PARD3B: variants seen among roughly 807,000 people sequenced by gnomAD.
PARD3B encodes the protein par-3 family cell polarity regulator beta, also known as partitioning defective 3 homolog B.
Under a neutral mutation model 130.2 loss-of-function variants are expected in PARD3B, and 103 were observed. The observed-to-expected ratio is 0.79, with a 90% confidence interval of 0.67 to 0.93. The LOEUF (loss-of-function observed/expected upper bound fraction) is 0.93. PARD3B is among the 40% of genes least tolerant of loss of function. The pLI is 0.00. For missense variants in PARD3B, 1,609 were observed against 1,499.2 expected, an observed-to-expected ratio of 1.07 and a Z score of -1.21; for synonymous variants, 583 against 553.2, an observed-to-expected ratio of 1.05 and a Z score of -0.76.
chr2:205,398,050 A>C (rs1240913227), intron 18 of PARD3B, among the ~76,000 whole-genome samples: 1 of 152,126 alleles, frequency 6.6e-6, no homozygotes, highest in African/African-American at 2.4e-5. Context: ...TGTAATCCCA[A>C]CACTTTGGGA....
chr2:205,312,319 G>T (rs889467731), intron 18 of PARD3B, among the ~76,000 whole-genome samples: 1 of 152,168 alleles, frequency 6.6e-6, no homozygotes, highest in Non-Finnish European at 1.5e-5. Context: ...AAGGTGCTTT[G>T]CTTCATGAAG....
intron 4 of PARD3B, among the ~76,000 whole-genome samples, chr2:205,081,555 A>G (rs1701406453): frequency 1.3e-5 from 2 of 151,792 alleles, no homozygotes; most frequent in South Asian, 2.1e-4. Context: ...TAGATTCCCT[A>G]TGTTAGGTTG....
rs370649212 is a variant in PARD3B at position 205,153,627 on chromosome 2, G to A, written c.1435-5095G>A. On this transcript the variant is annotated intron_variant, in intron 10 of 22. Transcript: ENST00000406610. ...AAAAGAACAAAGCTAGAGGCATCAC[G>A]CTACCTGACTTCAAACTTTACTACA... 8.9e-4 allele frequency among the ~76,000 whole-genome samples: 136 copies of A among 152,200 alleles called. 3 individuals carry two copies. The South Asian group carries it at 0.027, about 30-fold the overall frequency.
chr2:205,126,826 A>G lies in PARD3B; in HGVS notation c.1434+1089A>G, dbSNP rs546599013. Among the ~76,000 whole-genome samples, 380 of 151,650 alleles carry G rather than the reference A, an allele frequency of 2.5e-3. 8 individuals carry two copies. Among genetic ancestry groups the G allele is most frequent in the Non-Finnish European group, 3.1e-3 (209 of 67,938 alleles). ...GAGAAAATGTTCATAATCTAATACT[A>G]TATTTAAAAGTAGGATGTAAAATTA... is the stretch of plus-strand genomic sequence containing the variant. On this transcript the variant is annotated intron_variant, in intron 10 of 22. Transcript: ENST00000406610.
chr2:204,726,294 A>G (rs528826886), intron 2 of PARD3B, among the ~76,000 whole-genome samples: 3 of 152,328 alleles, frequency 2.0e-5, no homozygotes, highest in South Asian at 2.1e-4. Flanking sequence ...CTAATTGAGT[A>G]TTCATTTAAA....
intron 2 of PARD3B, among the ~76,000 whole-genome samples, chr2:204,732,173 A>C (rs1016034748): frequency 6.6e-5 from 10 of 152,090 alleles, no homozygotes; most frequent in African/African-American, 2.2e-4. Flanking sequence ...ATTAGATATA[A>C]AGCATTCCAG....
intron 2 of PARD3B, among the ~76,000 whole-genome samples, chr2:204,953,568 G>A (rs1017213984): frequency 6.6e-6 from 1 of 152,060 alleles, no homozygotes; most frequent in Admixed American, 6.6e-5. Context: ...TTGCTGGAGG[G>A]ATCTGGGGGA....
chr2:205,097,777 A>G (rs1443589714), intron 4 of PARD3B, among the ~76,000 whole-genome samples: 1 of 152,078 alleles, frequency 6.6e-6, no homozygotes, highest in Non-Finnish European at 1.5e-5. Context: ...TAGCACTTTT[A>G]TATCTCTAAT....
In PARD3B at chr2:205,585,198, G is replaced by A. The variant is rs887368750; in HGVS notation, c.3261-30258G>A. ...GCCTGCCTAGGTGTTTATGGCAAGA[G>A]GCATATTTGGAATGCACAGGCTGGG... is the stretch of plus-strand genomic sequence containing the variant. On this transcript the variant is annotated intron_variant, in intron 22 of 22. Coordinates refer to ENST00000406610, the MANE Select transcript of PARD3B (RefSeq NM_001302769.2). This position sits in a 1 kb window ranked among gnomAD's most constrained non-coding sequence, Gnocchi z 5.4. Among the ~76,000 whole-genome samples, 2 of 152,184 alleles carry A rather than the reference G, an allele frequency of 1.3e-5. No homozygotes were observed. The highest frequency in any genetic ancestry group is 4.8e-5 in the African/African-American group (2 of 41,436).
At chr2:204,978,568 C>T (rs1692389703) in intron 3 of PARD3B, among the ~76,000 whole-genome samples, 3 of 152,122 alleles carry the variant, frequency 2.0e-5, no homozygotes, top group Admixed American at 2.0e-4. Flanking sequence ...ACTATAATTC[C>T]ACCAACTTTA....
intron 18 of PARD3B, among the ~76,000 whole-genome samples, chr2:205,314,937 A>C (rs1018753451): frequency 2.6e-5 from 4 of 152,092 alleles, no homozygotes; most frequent in African/African-American, 4.8e-5. Context: ...GTCAGTCAAC[A>C]ATCTTGATAT....
intron 2 of PARD3B, among the ~76,000 whole-genome samples, chr2:204,872,577 A>T (rs1392059760): frequency 6.6e-6 from 1 of 152,086 alleles, no homozygotes; most frequent in African/African-American, 2.4e-5. Context: ...GTCCTAAGAG[A>T]TGTGCCCAGA....
intron 1 of PARD3B, among the ~76,000 whole-genome samples, chr2:204,674,040 T>C (rs2036424623): frequency 6.6e-6 from 1 of 152,166 alleles, no homozygotes; most frequent in Non-Finnish European, 1.5e-5. Context: ...CCCCCTACTT[T>C]CTTACTCCTT....
intron 18 of PARD3B, among the ~76,000 whole-genome samples, chr2:205,389,364 A>T (rs1235321537): frequency 6.6e-6 from 1 of 152,028 alleles, no homozygotes; most frequent in South Asian, 2.1e-4. Context: ...TTATTATTTT[A>T]TTATTATTAC....
At chr2:205,437,472 T>C (rs139151996) in intron 19 of PARD3B, among the ~76,000 whole-genome samples, 1 of 152,290 alleles carries the variant, frequency 6.6e-6, no homozygotes, top group Non-Finnish European at 1.5e-5. Flanking sequence ...TCTGCAATGA[T>C]GGAATTAGTC....
intron 21 of PARD3B, among the ~76,000 whole-genome samples, chr2:205,533,299 C>T (rs1316525455): frequency 6.6e-6 from 1 of 151,738 alleles, no homozygotes; most frequent in Non-Finnish European, 1.5e-5. Context: ...GGAGGAACAC[C>T]CCAGTGCCCA....
At chr2:204,760,965 A>G (rs1387621717) in intron 2 of PARD3B, among the ~76,000 whole-genome samples, 1 of 152,064 alleles carries the variant, frequency 6.6e-6, no homozygotes, top group South Asian at 2.1e-4. Flanking sequence ...TTTGTTGACT[A>G]TTTTCTATAT....
intron 12 of PARD3B, among the ~76,000 whole-genome samples, chr2:205,173,218 G>T (rs886885230): frequency 1.3e-5 from 2 of 152,058 alleles, no homozygotes; most frequent in Non-Finnish European, 2.9e-5. Context: ...TATTTAAAAA[G>T]CTAATATAAA....
chr2:204,619,192 G>T (rs1481441710), intron 1 of PARD3B, among the ~76,000 whole-genome samples: 1 of 152,132 alleles, frequency 6.6e-6, no homozygotes, highest in African/African-American at 2.4e-5. Context: ...AATGAAGAAG[G>T]TCAGCTTCTG....
Sources: allele counts gnomAD v4.1 joint callset (sites outside exome capture counted in the v4.1 genomes callset), GRCh38; gene constraint gnomAD v4.1.1; non-coding constraint Gnocchi (gnomAD v3.1); transcripts MANE v1.5; gene names NCBI Gene and HGNC (gene_info 2026-07-23, HGNC 2026-07-21).